The following VPS13A variants were observed in gnomAD, a reference collection of about 807,000 sequenced individuals.
The protein encoded by VPS13A is vacuolar protein sorting 13 homolog A.
Under a neutral mutation model 390.9 loss-of-function variants are expected in VPS13A, and 264 were observed. The ratio of observed to expected loss-of-function variants is 0.68; its 90% CI spans 0.61 to 0.75. The LOEUF is 0.75. VPS13A is among the 30% of genes least tolerant of loss of function. The pLI is 0.00. For synonymous variants in VPS13A, 1,231 were observed against 1,227.1 expected (o/e 1.00, Z -0.07); for missense variants, 3,409 against 3,733.9 (o/e 0.91, Z 2.27).
rs1832819569 is a variant in VPS13A, at chr9:77,372,329, T to C, written c.9077+1180T>C. ...CCAGCACCTGTTGTTTCCTGACTTT[T>C]TAATGATTGCCATTCTAACTGGTGT... On this transcript the variant is annotated intron_variant, in intron 67 of 71. Transcript: ENST00000360280. Among the ~76,000 whole-genome samples the C allele has an allele frequency of 2.6e-5, 4 of 152,112 alleles. 1 individual carries two copies. Among genetic ancestry groups the C allele is most frequent in the African/African-American group, 7.2e-5 (3 of 41,416 alleles).
At chr9:77,241,827 C>T (rs1289467044) in intron 19 of VPS13A, among the ~76,000 whole-genome samples, 1 of 152,150 alleles carries the variant, frequency 6.6e-6, no homozygotes, top group Non-Finnish European at 1.5e-5. Context: ...ATATATCATA[C>T]TTATCATTCA....
At position 77,416,126 on chromosome 9, in the gene VPS13A, TAAAAAACAAAAACAAACA is replaced by T. The variant is rs1038796494; in HGVS notation, c.*137_*154del. 6.5e-5 allele frequency: 79 copies of T among 1,207,232 alleles called. 1 individual carries two copies. In the South Asian group the frequency reaches 7.0e-4, roughly 11 times the overall value. The allele number at this position is 1,207,232 out of a possible 1,614,324, so 74.8% of individuals were successfully genotyped here. ...TTCAAGTACCCTGTATTCTGGATGC[TAAAAAACAAAAACAAACA>T]AAAAAACAAAAACAAAAAAACAAAA... On this transcript the variant is annotated 3_prime_UTR_variant, in exon 72 of 72. Transcript: ENST00000360280.
In VPS13A at chr9:77,315,445, G is replaced by A. The variant is rs1829330525; in HGVS notation, c.4605G>A (p.Val1535=). The part of the protein sequence containing the change: ...YTTGTAVETS[V]QTWTAKEEVP... ...CAGGCACTGCTGTAGAAACCAGTGT[G>A]CAAACATGGACTGCTAAGGAAGAAG... Residue 1535 remains valine, a synonymous_variant, in exon 38 of 72, where the codon GTG becomes GTA. Coordinates refer to ENST00000360280, the MANE Select transcript of VPS13A (RefSeq NM_033305.3). 1.9e-6 allele frequency: 3 copies of A among 1,613,742 alleles called. No individual in the cohort carries two copies. Among genetic ancestry groups the A allele is most frequent in the Non-Finnish European group, 2.5e-6 (3 of 1,179,812 alleles).
rs745449192 is a variant in VPS13A at position 77,214,406 on chromosome 9, T to TA, written c.754+27dup. On this transcript the variant is annotated intron_variant, in intron 10 of 71. Coordinates refer to ENST00000360280, the MANE Select transcript of VPS13A (RefSeq NM_033305.3). ...ATTTTGGTAAGTACATTTTATAAGATAAAAAAAGTAGTTAAAGTAATTGGT... is the reference window on the plus strand; with the variant it reads ...ATTTTGGTAAGTACATTTTATAAGATAAAAAAAAGTAGTTAAAGTAATTGGT... 1.9e-6 allele frequency: 3 copies of TA among 1,590,196 alleles called. No homozygotes were observed. Among genetic ancestry groups the TA allele is most frequent in the East Asian group, 4.5e-5 (2 of 44,622 alleles).
chr9:77,407,017 TC>T lies in VPS13A; in HGVS notation c.9400-515del, dbSNP rs529164241. Reference sequence around the variant, plus strand: ...AAATCATCTAGGACACAACCTGATCTCTCTTTGATTCTAAACTATATTCTTA... The same window carrying T: ...AAATCATCTAGGACACAACCTGATCTTCTTTGATTCTAAACTATATTCTTA... On this transcript the variant is annotated intron_variant, in intron 70 of 71. Transcript: ENST00000360280. 1.9e-3 allele frequency among the ~76,000 whole-genome samples: 295 copies of T among 152,274 alleles called. 1 individual carries two copies. The highest frequency in any genetic ancestry group is 6.6e-3 in the African/African-American group (276 of 41,548).
chr9:77,274,426 CAAAAAAA>C (rs889400152), intron 24 of VPS13A, among the ~76,000 whole-genome samples: 3 of 62,214 alleles, frequency 4.8e-5, no homozygotes, highest in Non-Finnish European at 9.5e-5. Flanking sequence ...GAGTCCGAAT[CAAAAAAA>C]AAAAAAAAAA....
intron 71 of VPS13A, among the ~76,000 whole-genome samples, chr9:77,414,236 T>G (rs1366947585): frequency 6.6e-6 from 1 of 152,226 alleles, no homozygotes; most frequent in Non-Finnish European, 1.5e-5. Flanking sequence ...ATCCCATTAC[T>G]GGGTATATAC....
chr9:77,327,784 C>G (rs1272986701), intron 45 of VPS13A, among the ~76,000 whole-genome samples: 1 of 152,094 alleles, frequency 6.6e-6, no homozygotes, highest in Non-Finnish European at 1.5e-5. Flanking sequence ...AATTCTAATT[C>G]TAGTTCTCTT....
intron 26 of VPS13A, 149 bp downstream of exon 26, chr9:77,276,370 A>G (rs1169449654): frequency 1.8e-5 from 13 of 728,672 alleles, no homozygotes; most frequent in Non-Finnish European, 2.5e-5. Context: ...TTTAACTTTT[A>G]TAGTTGGTAA....
At chr9:77,339,427 G>A in intron 47 of VPS13A, 89 bp from the exon 48 acceptor site, 1 of 1,285,510 alleles carries the variant, frequency 7.8e-7, no homozygotes, top group Non-Finnish European at 1.1e-6. Flanking sequence ...AGCATTTTTT[G>A]CAGCATTTGG....
chr9:77,303,729 T>C (rs1587534981), intron 34 of VPS13A, among the ~76,000 whole-genome samples: 1 of 152,220 alleles, frequency 6.6e-6, no homozygotes, highest in African/African-American at 2.4e-5. Flanking sequence ...CAAGGGAAGG[T>C]ACCATGAGTG....
chr9:77,187,027 A>G (rs919060416), intron 1 of VPS13A, among the ~76,000 whole-genome samples: 1 of 152,196 alleles, frequency 6.6e-6, no homozygotes, highest in African/African-American at 2.4e-5. Context: ...TAATGTCCTC[A>G]AGGTGCATCC....
At chr9:77,348,637 A>G (rs1471480831) in intron 52 of VPS13A, among the ~76,000 whole-genome samples, 1 of 152,214 alleles carries the variant, frequency 6.6e-6, no homozygotes, top group Non-Finnish European at 1.5e-5. Flanking sequence ...AAAAAAAAGA[A>G]AAATGCCATT....
In VPS13A at chr9:77,421,435, T is replaced by G. The variant is rs752376930; in HGVS notation, c.*5429T>G. 6 of 152,232 alleles carry G rather than the reference T, an allele frequency of 3.9e-5. No homozygotes were observed. Among genetic ancestry groups the G allele is most frequent in the Admixed American group, 1.3e-4 (2 of 15,290 alleles). 9.4% of individuals were successfully genotyped at this position (152,232 alleles called of 1,614,324 possible). Reference sequence around the variant, plus strand: ...CATGCTCACTAATGATTTTTTTTCTTAACAATAAGCATTTCTTGGTATTGG... The same window carrying G: ...CATGCTCACTAATGATTTTTTTTCTGAACAATAAGCATTTCTTGGTATTGG... On this transcript the variant is annotated 3_prime_UTR_variant, in exon 72 of 72. Transcript: ENST00000360280.
chr9:77,305,827 C>T (rs1054729180), intron 34 of VPS13A, among the ~76,000 whole-genome samples: 4 of 152,190 alleles, frequency 2.6e-5, no homozygotes, highest in Admixed American at 2.0e-4. Flanking sequence ...TGATTTCTGA[C>T]TTGTCAGATT....
intron 13 of VPS13A, among the ~76,000 whole-genome samples, chr9:77,224,200 T>C (rs926700176): frequency 3.9e-5 from 6 of 152,180 alleles, no homozygotes; most frequent in Admixed American, 6.5e-5. Context: ...GATAGAGATA[T>C]ACAAAGAGAT....
chr9:77,259,847 A>C (rs115452603), intron 22 of VPS13A, among the ~76,000 whole-genome samples: 5 of 152,338 alleles, frequency 3.3e-5, no homozygotes, highest in African/African-American at 1.2e-4. Context: ...GTAATTGTCA[A>C]TTGTATATAG....
chr9:77,401,850 A>G (rs896508112), intron 68 of VPS13A, among the ~76,000 whole-genome samples: 1 of 152,190 alleles, frequency 6.6e-6, no homozygotes, highest in African/African-American at 2.4e-5. Context: ...ATAAACCTTC[A>G]CATACCTTTT....
At chr9:77,315,576 T>C in intron 38 of VPS13A, 106 bp downstream of exon 38, 1 of 1,129,492 alleles carries the variant, frequency 8.9e-7, no homozygotes, top group South Asian at 1.4e-5. Flanking sequence ...TTTAAGAAAT[T>C]AAAATTTTAT....
Sources: gnomAD v4.1 joint callset for allele counts (sites outside exome capture counted in the v4.1 genomes callset) on GRCh38, gnomAD v4.1.1 for gene constraint, MANE v1.5 for transcripts, NCBI Gene and HGNC (gene_info 2026-07-23, HGNC 2026-07-21) for gene names.